Variants in SMG6 observed in about 807,000 individuals in gnomAD.
SMG6 encodes the protein SMG6 nonsense mediated mRNA decay factor.
Under a neutral mutation model 142.2 loss-of-function variants are expected in SMG6, and 66 were observed. That is an observed-to-expected ratio of 0.46 (90% CI 0.38 to 0.57). SMG6 has a LOEUF of 0.57. SMG6 is among the 20% of genes least tolerant of loss of function. The pLI, the probability that SMG6 is intolerant of heterozygous loss-of-function variation, is 0.00. For missense variants in SMG6, 1,793 were observed against 1,832.0 expected (o/e 0.98, Z 0.39); for synonymous variants, 779 against 702.4 (o/e 1.11, Z -1.72).
chr17:2,242,529 CAA>C (rs577271256), intron 9 of SMG6, among the ~76,000 whole-genome samples: 1 of 143,702 alleles, frequency 7.0e-6, no homozygotes. Flanking sequence ...GACTTCGTCT[CAA>C]AAAAAAAAGA....
intron 12 of SMG6, among the ~76,000 whole-genome samples, chr17:2,175,034 G>A (rs1235337647): frequency 2.0e-5 from 3 of 152,158 alleles, no homozygotes; most frequent in African/African-American, 7.2e-5. Flanking sequence ...TGATAGGGCT[G>A]CTCAGGGCCG....
chr17:2,068,677 C>G lies in SMG6; in HGVS notation c.3835+101G>C. 1 of 1,253,274 alleles carries G rather than the reference C, an allele frequency of 8.0e-7. No individual in the cohort carries two copies. The allele number at this position is 1,253,274 out of a possible 1,614,324, so 77.6% of individuals were successfully genotyped here. ...CCCTGCAAATCCCATCTTACACACG[C>G]ACAGCAGGGCTCTGCCTGCCTGGCC... On this transcript the variant is annotated intron_variant, in intron 16 of 18. Coordinates refer to ENST00000263073, the MANE Select transcript of SMG6 (RefSeq NM_017575.5). The surrounding 1 kb of genome is among the most constrained non-coding windows in gnomAD (Gnocchi z 6.7).
In SMG6 at chr17:2,281,840, C is replaced by T. The variant is rs562335862; in HGVS notation, c.2661+807G>A. Among the ~76,000 whole-genome samples the T allele has an allele frequency of 2.0e-5, 3 of 152,294 alleles. No homozygotes were observed. In the South Asian group the frequency reaches 6.2e-4, roughly 32 times the overall value. Reference sequence around the variant, plus strand: ...GTTTTCCACCTACCGTGCTCTCTCTCCCCCAGCCAGCCTCAGCCCTTTGCA... The same window carrying T: ...GTTTTCCACCTACCGTGCTCTCTCTTCCCCAGCCAGCCTCAGCCCTTTGCA... On this transcript the variant is annotated intron_variant, in intron 8 of 18. Transcript: ENST00000263073.
At chr17:2,203,045 G>C (rs778710077) in intron 10 of SMG6, among the ~76,000 whole-genome samples, 17 of 152,136 alleles carry the variant, frequency 1.1e-4, no homozygotes, top group Non-Finnish European at 1.8e-4. Context: ...ATCTTGGCAA[G>C]AAAGACAGCA....
chr17:2,281,800 G>A (rs553110477), intron 8 of SMG6, among the ~76,000 whole-genome samples: 43 of 152,222 alleles, frequency 2.8e-4, no homozygotes, highest in South Asian at 1.9e-3. Flanking sequence ...AAGGCGCAAC[G>A]AACCAGCCAC....
Position 2,303,259 on chromosome 17 carries a change from G to C in SMG6, c.88+374C>G, listed in dbSNP as rs894242757. The C allele has an allele frequency of 3.8e-6, 4 of 1,052,220 alleles. No individual in the cohort carries two copies. The African/African-American group carries it at 6.7e-5, about 18-fold the overall frequency. The allele number at this position is 1,052,220 out of a possible 1,614,324, so 65.2% of individuals were successfully genotyped here. A position where few individuals can be genotyped will look rare whatever the true frequency, so the allele number is the denominator to read the frequency against. On this transcript the variant is annotated intron_variant, in intron 1 of 18. Coordinates refer to ENST00000263073, the MANE Select transcript of SMG6 (RefSeq NM_017575.5). The stretch of plus-strand genomic sequence containing the variant: ...GCGGTGGCCGGGGCAGGCCCGCGGA[G>C]GGCGGCCTGGAGAGCGATACGCCCG...
intron 8 of SMG6, among the ~76,000 whole-genome samples, chr17:2,247,140 G>A (rs1252391627): frequency 3.9e-5 from 6 of 152,116 alleles, no homozygotes; most frequent in Admixed American, 1.3e-4. Context: ...ATTTACCTGC[G>A]GTGGGATCTT....
At position 2,223,499 on chromosome 17, in the gene SMG6, A is replaced by T. The variant is rs371876891; in HGVS notation, c.2869+12993T>A. On this transcript the variant is annotated intron_variant, in intron 10 of 18. Transcript: ENST00000263073. The stretch of plus-strand genomic sequence containing the variant: ...TACAAGCAAACCGAATAGCACTAAG[A>T]ACAGCAGTAGTCAAGAACAAAAGCA... Among the ~76,000 whole-genome samples, 6 of 152,330 alleles carry T rather than the reference A, an allele frequency of 3.9e-5. No individual in the cohort carries two copies. In the South Asian group the frequency reaches 1.2e-3, roughly 32 times the overall value.
At chr17:2,079,115 C>T (rs1172883127) in intron 15 of SMG6, among the ~76,000 whole-genome samples, 3 of 152,102 alleles carry the variant, frequency 2.0e-5, no homozygotes, top group Non-Finnish European at 4.4e-5. Flanking sequence ...AGGCACCCGC[C>T]ACCACACCCG....
At chr17:2,208,946 G>C (rs2072767897) in intron 10 of SMG6, among the ~76,000 whole-genome samples, 1 of 152,208 alleles carries the variant, frequency 6.6e-6, no homozygotes, top group South Asian at 2.1e-4. Flanking sequence ...TTGGGAGGCT[G>C]AAGTGGGTGG....
chr17:2,249,184 C>A (rs138933392), intron 8 of SMG6, among the ~76,000 whole-genome samples: 1 of 151,608 alleles, frequency 6.6e-6, no homozygotes, highest in African/African-American at 2.4e-5. Context: ...TGAGCCACCG[C>A]GAGAACTCTT....
intron 11 of SMG6, among the ~76,000 whole-genome samples, chr17:2,187,443 T>C (rs906239941): frequency 2.6e-5 from 4 of 152,200 alleles, no homozygotes; most frequent in African/African-American, 9.6e-5. Context: ...TAATAGTATT[T>C]TGTCAATGTT....
intron 13 of SMG6, among the ~76,000 whole-genome samples, chr17:2,086,709 C>G (rs1351157522): frequency 6.6e-6 from 1 of 152,216 alleles, no homozygotes; most frequent in African/African-American, 2.4e-5. Flanking sequence ...GTCCCCCAGT[C>G]TGGGCCCCCC....
chr17:2,170,415 C>T (rs1257554533), intron 13 of SMG6, among the ~76,000 whole-genome samples: 2 of 152,212 alleles, frequency 1.3e-5, no homozygotes, highest in Non-Finnish European at 2.9e-5. Context: ...GCTTCAATAG[C>T]GAACTCCCCA....
At chr17:2,096,318 G>A (rs962851865) in intron 13 of SMG6, among the ~76,000 whole-genome samples, 1 of 151,988 alleles carries the variant, frequency 6.6e-6, no homozygotes, top group Non-Finnish European at 1.5e-5. Flanking sequence ...AGTGATTCTC[G>A]TGCCTCAGCC....
intron 18 of SMG6, chr17:2,062,611 A>ATCCC (rs2151378912): frequency 6.6e-6 from 1 of 152,200 alleles, no homozygotes; most frequent in Admixed American, 6.5e-5. Context: ...CACAAGTGAC[A>ATCCC]TCCCTACCCT....
chr17:2,186,596 AG>A, intron 12 of SMG6, 66 bp downstream of exon 12: 9 of 1,559,984 alleles, frequency 5.8e-6, no homozygotes, highest in Non-Finnish European at 7.9e-6. Flanking sequence ...CAGGATGAAG[AG>A]GGGAGCTGTA....
chr17:2,088,303 G>A, intron 13 of SMG6: 2 of 985,362 alleles, frequency 2.0e-6, no homozygotes, highest in Middle Eastern at 5.2e-4. Context: ...CCTGGAGATG[G>A]GGATTTCCAG....
At chr17:2,122,189 A>C (rs955087890) in intron 13 of SMG6, among the ~76,000 whole-genome samples, 4 of 152,216 alleles carry the variant, frequency 2.6e-5, no homozygotes, top group Non-Finnish European at 5.9e-5. Flanking sequence ...AGAGAGAGAA[A>C]TAAACAGATA....
Sources: gnomAD v4.1 joint callset for allele counts (sites outside exome capture counted in the v4.1 genomes callset) on GRCh38, gnomAD v4.1.1 for gene constraint, Gnocchi (gnomAD v3.1) non-coding constraint, MANE v1.5 for transcripts, NCBI Gene and HGNC (gene_info 2026-07-23, HGNC 2026-07-21) for gene names.